Variants in RPS6KC1 observed in about 807,000 individuals in gnomAD.
The protein encoded by RPS6KC1 is inactive ribosomal protein S6 kinase delta-1.
In RPS6KC1, 54 loss-of-function variants were observed where a neutral mutation model predicts 103.8. The ratio of observed to expected loss-of-function variants is 0.52; its 90% confidence interval spans 0.42 to 0.65. RPS6KC1 has a LOEUF of 0.65. Among genes scored for constraint, RPS6KC1 ranks in the 30% least tolerant of loss-of-function variants. RPS6KC1 has a pLI of 0.00. For missense variants in RPS6KC1, 1,151 were observed against 1,253.8 expected, an observed-to-expected ratio of 0.92 and a Z score of 1.24; for synonymous variants, 439 against 438.7, an observed-to-expected ratio of 1.00 and a Z score of -0.01.
chr1:213,253,504 C>T (rs1318520099), intron 12 of RPS6KC1, among the ~76,000 whole-genome samples: 2 of 152,118 alleles, frequency 1.3e-5, no homozygotes, highest in African/African-American at 4.8e-5. Context: ...TTTATGGAAA[C>T]GTTTTCGATT....
the RPS6KC1 span, among the ~76,000 whole-genome samples, chr1:213,341,234 C>G: frequency 1.3e-5 from 2 of 152,186 alleles, no homozygotes; most frequent in South Asian, 4.1e-4. Flanking sequence ...ATACCACCTT[C>G]TCAATTAAGA....
At chr1:213,499,803 G>GA in the RPS6KC1 span, among the ~76,000 whole-genome samples, 1 of 152,182 alleles carries the variant, frequency 6.6e-6, no homozygotes, top group African/African-American at 2.4e-5. Flanking sequence ...TTACTGTATT[G>GA]AAAAGTGTAG....
the RPS6KC1 span, among the ~76,000 whole-genome samples, chr1:213,333,632 C>T: frequency 2.0e-5 from 3 of 152,224 alleles, no homozygotes; most frequent in South Asian, 2.1e-4. Flanking sequence ...ATTTCGATAA[C>T]AAGAAGGGCT....
chr1:213,097,187 C>G (rs780075018), intron 3 of RPS6KC1, among the ~76,000 whole-genome samples: 5 of 152,164 alleles, frequency 3.3e-5, no homozygotes, highest in African/African-American at 4.8e-5. Flanking sequence ...AACCCCGTCT[C>G]TACTAGAAAT....
chr1:213,685,323 T>A, the RPS6KC1 span, among the ~76,000 whole-genome samples: 14,658 of 152,252 alleles, frequency 0.096, 801 homozygotes, highest in African/African-American at 0.12. Context: ...AAAATCATTT[T>A]AAAAAATCTG....
chr1:213,682,182 G>C, the RPS6KC1 span, among the ~76,000 whole-genome samples: 1 of 152,180 alleles, frequency 6.6e-6, no homozygotes, highest in Non-Finnish European at 1.5e-5. Flanking sequence ...TCACCTTACT[G>C]TTCCCTCTGC....
At chr1:213,545,511 C>T in the RPS6KC1 span, among the ~76,000 whole-genome samples, 1 of 152,218 alleles carries the variant, frequency 6.6e-6, no homozygotes, top group South Asian at 2.1e-4. Context: ...TGCCTCTTCA[C>T]ATTATCTTTC....
the RPS6KC1 span, among the ~76,000 whole-genome samples, chr1:213,666,785 C>T: frequency 6.6e-6 from 1 of 152,232 alleles, no homozygotes; most frequent in Admixed American, 6.5e-5. Flanking sequence ...CTCTTAAGCT[C>T]ACTCTAGCAG....
the RPS6KC1 span, among the ~76,000 whole-genome samples, chr1:213,493,016 C>A: frequency 6.6e-6 from 1 of 152,126 alleles, no homozygotes; most frequent in African/African-American, 2.4e-5. Context: ...TGGTAGAGAT[C>A]GTGGTGATGG....
At chr1:213,654,539 CA>C in the RPS6KC1 span, among the ~76,000 whole-genome samples, 3 of 152,082 alleles carry the variant, frequency 2.0e-5, no homozygotes, top group Admixed American at 2.0e-4. Context: ...TCAAGTAATC[CA>C]AAAGCATAAT....
At chr1:213,644,114 A>G in the RPS6KC1 span, among the ~76,000 whole-genome samples, 1 of 152,050 alleles carries the variant, frequency 6.6e-6, no homozygotes. Context: ...ATTTTCCCTC[A>G]CTACAGGGCA....
At chr1:213,423,821 T>A in the RPS6KC1 span, among the ~76,000 whole-genome samples, 1 of 152,052 alleles carries the variant, frequency 6.6e-6, no homozygotes, top group Non-Finnish European at 1.5e-5. Flanking sequence ...GGAGGGGGCA[T>A]GGGCTCGGTG....
the RPS6KC1 span, among the ~76,000 whole-genome samples, chr1:213,570,999 G>A: frequency 2.6e-5 from 4 of 152,282 alleles, no homozygotes; most frequent in Admixed American, 6.5e-5. Context: ...AGCAGAATAC[G>A]TTAAATAAAT....
At chr1:213,661,316 A>G in the RPS6KC1 span, among the ~76,000 whole-genome samples, 1 of 152,180 alleles carries the variant, frequency 6.6e-6, no homozygotes. Flanking sequence ...GGTAGAGAGA[A>G]GGTAAAAACA....
At chr1:213,442,268 T>C in the RPS6KC1 span, among the ~76,000 whole-genome samples, 1 of 152,228 alleles carries the variant, frequency 6.6e-6, no homozygotes, top group African/African-American at 2.4e-5. Context: ...TAACACCACA[T>C]AGCCCTTTTG....
the RPS6KC1 span, among the ~76,000 whole-genome samples, chr1:213,578,250 G>T: frequency 6.6e-6 from 1 of 152,248 alleles, no homozygotes; most frequent in African/African-American, 2.4e-5. Context: ...AGATTTCAGA[G>T]GATGTATGGA....
intron 6 of RPS6KC1, among the ~76,000 whole-genome samples, chr1:213,160,872 AT>A (rs1357780232): frequency 6.6e-6 from 1 of 151,992 alleles, no homozygotes; most frequent in Non-Finnish European, 1.5e-5. Context: ...TGGGGGAGGG[AT>A]AGCATTAGGA....
chr1:213,391,934 G>A, the RPS6KC1 span, among the ~76,000 whole-genome samples: 1 of 152,116 alleles, frequency 6.6e-6, no homozygotes. Flanking sequence ...AGGGAGGCCC[G>A]CTTCCTATGA....
At chr1:213,363,782 C>T in the RPS6KC1 span, among the ~76,000 whole-genome samples, 1 of 94,216 alleles carries the variant, frequency 1.1e-5, no homozygotes, top group Non-Finnish European at 2.0e-5. Flanking sequence ...TTCTTTCTTT[C>T]TTTCTTTCTT....
Sources: gnomAD v4.1 joint callset for allele counts (sites outside exome capture counted in the v4.1 genomes callset) on GRCh38, gnomAD v4.1.1 for gene constraint, MANE v1.5 for transcripts, NCBI Gene and HGNC (gene_info 2026-07-23, HGNC 2026-07-21) for gene names.